Variants in NEBL observed in about 807,000 individuals in gnomAD.
NEBL encodes nebulette, also known as LIM and SH3 protein 2.
A neutral mutation model predicts 140.2 loss-of-function variants in NEBL; 122 were observed. The ratio of observed to expected loss-of-function variants is 0.87; its 90% CI spans 0.75 to 1.01. The LOEUF is 1.01. NEBL is among the 50% of genes least tolerant of loss of function. The pLI is 0.00. For missense variants in NEBL, 1,365 were observed against 1,231.3 expected, an observed-to-expected ratio of 1.11 and a Z score of -1.62; for synonymous variants, 436 against 398.9, an observed-to-expected ratio of 1.09 and a Z score of -1.11.
chr10:20,802,347 G>A (rs940828444), intron 26 of NEBL, among the ~76,000 whole-genome samples: 15 of 152,090 alleles, frequency 9.9e-5, no homozygotes, highest in African/African-American at 3.6e-4. Context: ...TAAGTTAAGC[G>A]AATCTAATAC....
intron 6 of NEBL, 23 bp from the exon 7 acceptor site, chr10:20,868,788 T>G: frequency 6.6e-7 from 1 of 1,508,518 alleles, no homozygotes; most frequent in Non-Finnish European, 9.2e-7. Flanking sequence ...AATAAGACAA[T>G]GTTAAATATT....
chr10:21,192,231 A>T (rs1211977859), intron 3 of NEBL, among the ~76,000 whole-genome samples: 2 of 149,406 alleles, frequency 1.3e-5, no homozygotes, highest in Non-Finnish European at 3.0e-5. Context: ...TCTCTCTGTC[A>T]CCCAGGCTGG....
At chr10:21,156,603 T>C (rs1840346386) in intron 2 of NEBL, among the ~76,000 whole-genome samples, 1 of 152,102 alleles carries the variant, frequency 6.6e-6, no homozygotes. Context: ...TTCGTGCTTT[T>C]TTTTTTTAGG....
At chr10:21,280,274 T>A (rs1421639932) in intron 1 of NEBL, among the ~76,000 whole-genome samples, 1 of 152,136 alleles carries the variant, frequency 6.6e-6, no homozygotes, top group East Asian at 1.9e-4. Context: ...CATTTCTACA[T>A]GTGAAATGGA....
At chr10:21,225,514 C>T (rs913881964) in intron 3 of NEBL, among the ~76,000 whole-genome samples, 5 of 152,304 alleles carry the variant, frequency 3.3e-5, no homozygotes, top group African/African-American at 9.6e-5. Flanking sequence ...GAGATGCCAT[C>T]TGGGAGCTAG....
chr10:21,036,760 A>T (rs1233906547), intron 2 of NEBL, among the ~76,000 whole-genome samples: 1 of 152,052 alleles, frequency 6.6e-6, no homozygotes, highest in East Asian at 1.9e-4. Context: ...TTGTCTCTAC[A>T]GAAAGTGAAC....
chr10:21,047,299 G>A (rs551013419), intron 2 of NEBL, among the ~76,000 whole-genome samples: 24 of 152,312 alleles, frequency 1.6e-4, no homozygotes, highest in Middle Eastern at 3.4e-3. Flanking sequence ...TTGTCAAAAT[G>A]TCTGCCAATA....
intron 19 of NEBL, 99 bp downstream of exon 19, chr10:20,823,109 G>T: frequency 1.2e-6 from 1 of 861,680 alleles, no homozygotes; most frequent in Non-Finnish European, 1.8e-6. Context: ...CTCGCAATGA[G>T]GTTCATTGTG....
chr10:20,797,417 A>G (rs1221389992), intron 26 of NEBL, among the ~76,000 whole-genome samples: 3 of 152,214 alleles, frequency 2.0e-5, no homozygotes, highest in Admixed American at 6.5e-5. Flanking sequence ...GTAGTTTTAC[A>G]CTAGACATCC....
chr10:21,114,686 C>T (rs921281357), intron 2 of NEBL, among the ~76,000 whole-genome samples: 1 of 152,000 alleles, frequency 6.6e-6, no homozygotes, highest in South Asian at 2.1e-4. Flanking sequence ...CAGAAATATA[C>T]GTTGTCCCAT....
At chr10:21,149,386 G>A (rs897740622) in intron 2 of NEBL, among the ~76,000 whole-genome samples, 1 of 152,060 alleles carries the variant, frequency 6.6e-6, no homozygotes, top group African/African-American at 2.4e-5. Flanking sequence ...CGCCTCCTGG[G>A]TTCAAGCGAT....
rs562669309 is a variant in NEBL, at chr10:21,238,537, T to C, written n.348+9384A>G. Among the ~76,000 whole-genome samples the C allele has an allele frequency of 7.3e-4, 107 of 147,338 alleles. 1 individual carries two copies. The highest frequency in any genetic ancestry group is 2.5e-3 in the African/African-American group (101 of 40,058). ...CAGCATGGTGAAACCCCATCTCTACTGAAAAAAAAAAAAAATACCAAAATT... is the reference window on the plus strand; with the variant it reads ...CAGCATGGTGAAACCCCATCTCTACCGAAAAAAAAAAAAAATACCAAAATT... On this transcript the variant is annotated intron_variant and non_coding_transcript_variant, in intron 3 of 8. Transcript: ENST00000675702.
intron 5 of NEBL, among the ~76,000 whole-genome samples, chr10:20,873,599 G>A (rs1447598569): frequency 6.6e-6 from 1 of 152,006 alleles, no homozygotes. Context: ...AGACTATTAT[G>A]TACCATATTA....
intron 2 of NEBL, among the ~76,000 whole-genome samples, chr10:21,167,822 T>G (rs1273825755): frequency 6.6e-6 from 1 of 152,220 alleles, no homozygotes; most frequent in African/African-American, 2.4e-5. Context: ...CACCTCTTAG[T>G]GATAACAATT....
At chr10:20,938,502 A>C (rs535141458) in intron 4 of NEBL, among the ~76,000 whole-genome samples, 154 of 152,340 alleles carry the variant, frequency 1.0e-3, no homozygotes, top group African/African-American at 3.5e-3. Flanking sequence ...ACCAGAGCAG[A>C]AAAGCTGAAA....
chr10:21,057,280 G>T, intron 2 of NEBL, among the ~76,000 whole-genome samples: 1 of 151,858 alleles, frequency 6.6e-6, no homozygotes. Context: ...TTGACTTTTG[G>T]CGGTAAGGCA....
chr10:21,075,488 A>C (rs1263148239), intron 2 of NEBL, among the ~76,000 whole-genome samples: 1 of 152,168 alleles, frequency 6.6e-6, no homozygotes, highest in Admixed American at 6.5e-5. Flanking sequence ...GCTACACCTG[A>C]TAGCAATGAT....
rs116170933 is a variant in NEBL at position 21,265,209 on chromosome 10, C to A, written n.183-13381G>T. 5.9e-3 allele frequency among the ~76,000 whole-genome samples: 893 copies of A among 152,260 alleles called. 6 individuals carry two copies. The highest frequency in any genetic ancestry group is 0.02 in the African/African-American group (850 of 41,544). On this transcript the variant is annotated intron_variant and non_coding_transcript_variant, in intron 1 of 8. Transcript: ENST00000675702. ...AAGTGCTGGGATTACAGGTGTGAGC[C>A]ACCGCACCTCTTTTATAAGAACACT... is the stretch of plus-strand genomic sequence containing the variant.
At chr10:20,909,453 C>T (rs1848238970) in intron 4 of NEBL, among the ~76,000 whole-genome samples, 1 of 152,038 alleles carries the variant, frequency 6.6e-6, no homozygotes, top group Non-Finnish European at 1.5e-5. Context: ...AGATATTGGA[C>T]ACACAAATGA....
Sources: gnomAD v4.1 joint callset for allele counts (sites outside exome capture counted in the v4.1 genomes callset) on GRCh38, gnomAD v4.1.1 for gene constraint, MANE v1.5 for transcripts, NCBI Gene and HGNC (gene_info 2026-07-23, HGNC 2026-07-21) for gene names.